The following RPS14 variants were observed in gnomAD, a reference collection of about 807,000 sequenced individuals.
The protein encoded by RPS14 is ribosomal protein S14, also known as small ribosomal subunit protein uS11.
RPS14 carries 1 observed loss-of-function variant against 15.4 expected under a neutral mutation model. That is an observed-to-expected ratio of 0.07 (90% CI 0.02 to 0.31). The LOEUF (loss-of-function observed/expected upper bound fraction) is 0.31. Ranked by LOEUF, RPS14 falls within the 10% of genes least tolerant of loss-of-function variation. The pLI is 1.00. For missense variants in RPS14, 69 were observed against 205.5 expected (o/e 0.34, Z 4.06); for synonymous variants, 68 against 74.4 (o/e 0.91, Z 0.44).
At chr5:150,445,463 C>T (rs753110851) in intron 4 of RPS14, 146 bp downstream of exon 4, 18 of 748,376 alleles carry the variant, frequency 2.4e-5, no homozygotes, top group Middle Eastern at 4.5e-4. Context: ...TTTTAAGTCA[C>T]AAGGTGCCTC....
chr5:150,447,041 C>G, intron 2 of RPS14, 78 bp from the exon 3 acceptor site: 1 of 1,531,426 alleles, frequency 6.5e-7, no homozygotes, highest in Non-Finnish European at 8.9e-7. Flanking sequence ...TGAAGAGCAA[C>G]ACAGCTCAGT....
chr5:150,443,611 CA>C lies in RPS14; in HGVS notation c.*674del, dbSNP rs1771002579. 6.6e-6 allele frequency: 1 copy of C among 152,412 alleles called. No individual in the cohort carries two copies. The highest frequency in any genetic ancestry group is 6.5e-5 in the Admixed American group (1 of 15,280). 9.4% of individuals were successfully genotyped at this position (152,412 alleles called of 1,614,324 possible). A position where few individuals can be genotyped will look rare whatever the true frequency, so the allele number is the denominator to read the frequency against. On this transcript the variant is annotated 3_prime_UTR_variant, in exon 5 of 5. Transcript: ENST00000407193. ...GGTCTCACTAACCCTACCCAGCCACCAGCCTGTCCTAACCATGGCAGGCACC... is the reference window on the plus strand; with the variant it reads ...GGTCTCACTAACCCTACCCAGCCACCGCCTGTCCTAACCATGGCAGGCACC...
intron 2 of RPS14, 123 bp downstream of exon 2, chr5:150,447,462 A>C (rs1561568552): frequency 2.1e-6 from 2 of 972,482 alleles, no homozygotes; most frequent in East Asian, 4.8e-5. Context: ...ATGGACAAGC[A>C]CATTTTCTTA....
intron 3 of RPS14, among the ~76,000 whole-genome samples, 198 bp from the exon 4 acceptor site, chr5:150,445,883 G>T (rs1771079263): frequency 6.6e-6 from 1 of 152,142 alleles, no homozygotes; most frequent in Non-Finnish European, 1.5e-5. Flanking sequence ...TTCAGCTCAG[G>T]AGTTCAAGAC....
rs985360493 is a variant in RPS14 at position 150,446,680 on chromosome 5, G to A, written c.311+122C>T. On this transcript the variant is annotated intron_variant, in intron 3 of 4. Coordinates refer to ENST00000407193, the MANE Select transcript of RPS14 (RefSeq NM_005617.4). This position sits in a 1 kb window ranked among gnomAD's most constrained non-coding sequence, Gnocchi z 4.2. ...TACACAGGAGCCAATTATTAAGTAT[G>A]TATATGCCTAAAATATCTTGTTCAA... The A allele has an allele frequency of 1.1e-5, 11 of 1,045,420 alleles. No homozygotes were observed. Among genetic ancestry groups the A allele is most frequent in the Admixed American group, 6.9e-5 (3 of 43,706 alleles). 64.8% of individuals were successfully genotyped at this position (1,045,420 alleles called of 1,614,324 possible).
intron 4 of RPS14, 37 bp from the exon 5 acceptor site, chr5:150,444,390 T>G: frequency 3.1e-6 from 5 of 1,589,618 alleles, no homozygotes; most frequent in Non-Finnish European, 4.3e-6. Context: ...TGCCTGGAGC[T>G]GGATGGGAAG....
At position 150,443,560 on chromosome 5, in the gene RPS14, T is replaced by A. The variant is rs1771001377; in HGVS notation, c.*726A>T. 6.6e-6 allele frequency: 1 copy of A among 152,244 alleles called. No individual in the cohort carries two copies. The highest frequency in any genetic ancestry group is 1.5e-5 in the Non-Finnish European group (1 of 68,078). The allele number at this position is 152,244 out of a possible 1,614,324, so 9.4% of individuals were successfully genotyped here. The stretch of plus-strand genomic sequence containing the variant: ...CCTCAATGGTCTCACCTCTCCAGCC[T>A]GTGACACACAGCATCCTCTCCACTG... On this transcript the variant is annotated 3_prime_UTR_variant, in exon 5 of 5. Coordinates refer to ENST00000407193, the MANE Select transcript of RPS14 (RefSeq NM_005617.4).
At chr5:150,445,015 C>T (rs35007082) in intron 4 of RPS14, among the ~76,000 whole-genome samples, 1 of 152,042 alleles carries the variant, frequency 6.6e-6, no homozygotes, top group Non-Finnish European at 1.5e-5. Flanking sequence ...AGAGCCAGAC[C>T]CTGTCTCAAG....
intron 3 of RPS14, 89 bp from the exon 4 acceptor site, chr5:150,445,774 G>C: frequency 9.9e-7 from 1 of 1,011,596 alleles, no homozygotes; most frequent in Non-Finnish European, 1.5e-6. Flanking sequence ...CGCTAGTTCA[G>C]AGGTCTGCAA....
chr5:150,443,687 T>C lies in RPS14; in HGVS notation c.*599A>G, dbSNP rs1472095004. On this transcript the variant is annotated 3_prime_UTR_variant, in exon 5 of 5. Coordinates refer to ENST00000407193, the MANE Select transcript of RPS14 (RefSeq NM_005617.4). The stretch of plus-strand genomic sequence containing the variant: ...TTGCAAAACGCTGAGTACCATCTGG[T>C]GTCACTGGGTACTCAGAGCCGCATG... 2.0e-5 allele frequency: 3 copies of C among 152,232 alleles called. No individual in the cohort carries two copies. Among genetic ancestry groups the C allele is most frequent in the South Asian group, 2.1e-4 (1 of 4,832 alleles). 9.4% of individuals were successfully genotyped at this position (152,232 alleles called of 1,614,324 possible).
In RPS14 at chr5:150,444,503, G is replaced by A. The variant is rs1177878962; in HGVS notation, c.389-150C>T. On this transcript the variant is annotated intron_variant, in intron 4 of 4. Transcript: ENST00000407193. The stretch of plus-strand genomic sequence containing the variant: ...CCTAACAGATGGATGTGAACATGAA[G>A]TGGCCCCATCTGCCAGTTCCTCGAA... 4 of 702,864 alleles carry A rather than the reference G, an allele frequency of 5.7e-6. No individual in the cohort carries two copies. In the Admixed American group the frequency reaches 6.6e-5, roughly 12 times the overall value. The allele number at this position is 702,864 out of a possible 1,614,324, so 43.5% of individuals were successfully genotyped here.
chr5:150,444,092 C>T lies in RPS14; in HGVS notation c.*194G>A. ...TTTAGATGACCAAGGCAACTTAATGCCGCAAGTAGCATGGAAAAGACCCCA... is the reference window on the plus strand; with the variant it reads ...TTTAGATGACCAAGGCAACTTAATGTCGCAAGTAGCATGGAAAAGACCCCA... On this transcript the variant is annotated 3_prime_UTR_variant, in exon 5 of 5. Transcript: ENST00000407193. 1.3e-6 allele frequency: 1 copy of T among 759,696 alleles called. No homozygotes were observed. The highest frequency in any genetic ancestry group is 1.9e-6 in the Non-Finnish European group (1 of 527,110). 47.1% of individuals were successfully genotyped at this position (759,696 alleles called of 1,614,324 possible).
chr5:150,447,551 T>G (rs1020629390), intron 2 of RPS14, 34 bp downstream of exon 2: 18 of 1,609,582 alleles, frequency 1.1e-5, no homozygotes, highest in Non-Finnish European at 1.4e-5. Context: ...CTCAGCCTTT[T>G]GCCAGCTGGA....
intron 4 of RPS14, among the ~76,000 whole-genome samples, chr5:150,444,892 G>A (rs1771045551): frequency 6.6e-6 from 1 of 151,186 alleles, no homozygotes; most frequent in Admixed American, 6.6e-5. Flanking sequence ...GGCACACACT[G>A]TTGTCCCAGC....
intron 1 of RPS14, chr5:150,449,434 G>C (rs999130452): frequency 2.6e-5 from 4 of 152,170 alleles, no homozygotes; most frequent in African/African-American, 9.7e-5. Context: ...CGCGGCCGTG[G>C]CCGTGGCCGT....
At chr5:150,445,866 G>A (rs184222333) in intron 3 of RPS14, among the ~76,000 whole-genome samples, 181 bp from the exon 4 acceptor site, 4 of 152,276 alleles carry the variant, frequency 2.6e-5, no homozygotes, top group Admixed American at 2.0e-4. Context: ...AAGGCAGGGC[G>A]GACTGCTTCA....
rs1770996202 is a variant in RPS14, at chr5:150,443,362, AAATCC to A, written c.*919_*923del. On this transcript the variant is annotated 3_prime_UTR_variant, in exon 5 of 5. Transcript: ENST00000407193. ...AGGTTAAGATTCAATGTTGTTATTA[AAATCC>A]CTAGCAAGGTTTGGCATGTAACCAA... 2.0e-5 allele frequency: 3 copies of A among 152,256 alleles called. No homozygotes were observed. Among genetic ancestry groups the A allele is most frequent in the Admixed American group, 6.5e-5 (1 of 15,282 alleles). 9.4% of individuals were successfully genotyped at this position (152,256 alleles called of 1,614,324 possible).
rs79851881 is a variant in RPS14, at chr5:150,446,375, C to T, written c.311+427G>A. Among the ~76,000 whole-genome samples the T allele has an allele frequency of 2.5e-3, 379 of 152,322 alleles. 4 individuals are homozygous for T. In the South Asian group the frequency reaches 0.04, roughly 16 times the overall value. The stretch of plus-strand genomic sequence containing the variant: ...TTGTCTCTAGCTGGAATACCCTCCT[C>T]CTGTCCTTATTTCACTGGAAGGACT... On this transcript the variant is annotated intron_variant, in intron 3 of 4. Coordinates refer to ENST00000407193, the MANE Select transcript of RPS14 (RefSeq NM_005617.4). This position sits in a 1 kb window ranked among gnomAD's most constrained non-coding sequence, Gnocchi z 4.2.
Position 150,444,367 on chromosome 5 carries a change from G to C in RPS14, c.389-14C>G, listed in dbSNP as rs745901906. The stretch of plus-strand genomic sequence containing the variant: ...GGGTGACATCCTCTGTGGGGAGGAA[G>C]AGAAAGCGTCATTGCCTGGAGCTGG... On this transcript the variant is annotated splice_polypyrimidine_tract_variant and intron_variant, in intron 4 of 4. Transcript: ENST00000407193. 5.0e-6 allele frequency: 8 copies of C among 1,605,984 alleles called. No individual in the cohort carries two copies. The highest frequency in any genetic ancestry group is 6.8e-6 in the Non-Finnish European group (8 of 1,174,362).
Sources: gnomAD v4.1 joint callset for allele counts (sites outside exome capture counted in the v4.1 genomes callset) on GRCh38, gnomAD v4.1.1 for gene constraint, Gnocchi (gnomAD v3.1) non-coding constraint, MANE v1.5 for transcripts, NCBI Gene and HGNC (gene_info 2026-07-23, HGNC 2026-07-21) for gene names.